NEMP2: variants seen among roughly 807,000 people sequenced by gnomAD.
NEMP2 encodes nuclear envelope integral membrane protein 2.
NEMP2 carries 53 observed loss-of-function variants against 54.2 expected under a neutral mutation model. That is an observed-to-expected ratio of 0.98 (90% CI 0.78 to 1.23). The LOEUF (loss-of-function observed/expected upper bound fraction) is 1.23, where lower values mean the gene tolerates loss of function less well. Among genes scored for constraint, NEMP2 ranks in the 50% most tolerant of loss-of-function variants. The pLI, the probability that NEMP2 is intolerant of heterozygous loss-of-function variation, is 0.00. For synonymous variants in NEMP2, 197 were observed against 190.3 expected (o/e 1.04, Z -0.29); for missense variants, 455 against 511.3 (o/e 0.89, Z 1.06).
chr2:190,606,942 G>A, the NEMP2 span, among the ~76,000 whole-genome samples: 1 of 152,118 alleles, frequency 6.6e-6, no homozygotes, highest in African/African-American at 2.4e-5. Context: ...CTTCCTTGGT[G>A]CCTGGCTTCC....
the NEMP2 span, among the ~76,000 whole-genome samples, chr2:190,431,006 ACGC>A: frequency 7.3e-6 from 1 of 136,694 alleles, no homozygotes; most frequent in Non-Finnish European, 1.5e-5. The surrounding 1 kb of genome is among the most constrained non-coding windows in gnomAD (Gnocchi z 4.4). Context: ...CTGGGCAGAG[ACGC>A]TCCTCACCTC....
chr2:190,582,938 A>C, the NEMP2 span, among the ~76,000 whole-genome samples: 13 of 152,320 alleles, frequency 8.5e-5, 2 homozygotes, highest in African/African-American at 2.9e-4. This position sits in a 1 kb window ranked among gnomAD's most constrained non-coding sequence, Gnocchi z 4.6. Flanking sequence ...ACTAACAGCC[A>C]AGTCACTACG....
chr2:190,497,911 A>G, the NEMP2 span: 1 of 595,684 alleles, frequency 1.7e-6, no homozygotes, highest in Non-Finnish European at 2.8e-6. The surrounding 1 kb of genome is among the most constrained non-coding windows in gnomAD (Gnocchi z 5.2). Context: ...CATAGAGAGA[A>G]TATTCTGCCT....
At chr2:190,596,380 C>T in the NEMP2 span, among the ~76,000 whole-genome samples, 127 of 152,204 alleles carry the variant, frequency 8.3e-4, no homozygotes, top group African/African-American at 2.9e-3. The surrounding 1 kb of genome is among the most constrained non-coding windows in gnomAD (Gnocchi z 5.1). Context: ...CACATGCATC[C>T]CAGAACTTAA....
In NEMP2 at chr2:190,534,573, G is replaced by A; in HGVS notation, c.83C>T (p.Ala28Val). The change falls in exon 1 of 9, where the codon GCG becomes GTG. Residue 28 changes from alanine (A) to valine (V), a missense_variant. Ala to Val is a moderately conservative substitution (Grantham distance 64). Around this residue, in one of 3 missense-constraint regions of NEMP2, gnomAD observed 100 missense variants for 80.2 expected, o/e 1.25. Transcript: ENST00000409150. ...ATLPVRGEAA[A>V]AALSVRRCKA... ...TCCCGGGTTACCTGATAACGCTGCC[G>A]CCGCCGCCTCCCCGCGCACGGGCAG... The A allele has an allele frequency of 7.1e-7, 1 of 1,401,884 alleles. No homozygotes were observed. The highest frequency in any genetic ancestry group is 3.2e-5 in the Admixed American group (1 of 31,234). The allele number at this position is 1,401,884 out of a possible 1,614,324, so 86.8% of individuals were successfully genotyped here.
rs1337729588 is a variant in NEMP2, at chr2:190,510,025, A to G, written c.1130+336T>C. On this transcript the variant is annotated intron_variant, in intron 8 of 8. Transcript: ENST00000409150. This position sits in a 1 kb window ranked among gnomAD's most constrained non-coding sequence, Gnocchi z 5.7. ...CATTGCACTCCAGCCTGGGTGACAG[A>G]GCAAGACTCCATCTAAAACAAAACA... Among the ~76,000 whole-genome samples, 1 of 152,248 alleles carries G rather than the reference A, an allele frequency of 6.6e-6. No individual in the cohort carries two copies. Among genetic ancestry groups the G allele is most frequent in the Non-Finnish European group, 1.5e-5 (1 of 68,046 alleles).
rs1395592623 is a variant in NEMP2, at chr2:190,507,240, C to T, written c.*1949G>A. ...TGGAAAACAATATCCTCAAGGACTG[C>T]TGTTGTTCTTCTCTCTTTGGCTGTT... On this transcript the variant is annotated 3_prime_UTR_variant, in exon 9 of 9. Transcript: ENST00000409150. The surrounding 1 kb of genome is among the most constrained non-coding windows in gnomAD (Gnocchi z 4.4). 6.6e-6 allele frequency: 1 copy of T among 152,158 alleles called. No homozygotes were observed. The highest frequency in any genetic ancestry group is 1.5e-5 in the Non-Finnish European group (1 of 68,044). The allele number at this position is 152,158 out of a possible 1,614,324, so 9.4% of individuals were successfully genotyped here.
chr2:190,553,060 T>G, the NEMP2 span, among the ~76,000 whole-genome samples: 9 of 152,246 alleles, frequency 5.9e-5, no homozygotes, highest in South Asian at 6.2e-4. Context: ...TTTTTTTTTT[T>G]TGTGAGGGGT....
chr2:190,430,895 C>T, the NEMP2 span, among the ~76,000 whole-genome samples: 2 of 151,458 alleles, frequency 1.3e-5, no homozygotes, highest in Non-Finnish European at 2.9e-5. Context: ...GGAGACGCTC[C>T]TCACTTCCCA....
chr2:190,560,346 A>G, the NEMP2 span, among the ~76,000 whole-genome samples: 1 of 152,112 alleles, frequency 6.6e-6, no homozygotes. This position sits in a 1 kb window ranked among gnomAD's most constrained non-coding sequence, Gnocchi z 5.4. Flanking sequence ...TCTTTATTCA[A>G]CTGCCTATAT....
the NEMP2 span, among the ~76,000 whole-genome samples, chr2:190,478,135 A>C: frequency 1.3e-5 from 2 of 152,186 alleles, no homozygotes; most frequent in Non-Finnish European, 2.9e-5. Context: ...CCATGTTCTG[A>C]ATCTAAACAG....
the NEMP2 span, among the ~76,000 whole-genome samples, chr2:190,564,289 CA>C: frequency 1.3e-5 from 2 of 152,104 alleles, no homozygotes; most frequent in Admixed American, 6.5e-5. This position sits in a 1 kb window ranked among gnomAD's most constrained non-coding sequence, Gnocchi z 4.2. Context: ...CTCCAGGAAC[CA>C]TTTGTCCTTC....
At position 190,516,307 on chromosome 2, in the gene NEMP2, C is replaced by T. The variant is rs1486194375; in HGVS notation, c.690G>A (p.Leu230=). 1 of 1,551,392 alleles carries T rather than the reference C, an allele frequency of 6.4e-7. No homozygotes were observed. Among genetic ancestry groups the T allele is most frequent in the Admixed American group, 2.0e-5 (1 of 50,922 alleles). The part of the protein sequence containing the change: ...VYIVCQLMED[L]KWLWYENRIY... ...TCCTGTTTTCATACCACAGCCACTT[C>T]AGATCTTCCATCAACTGGCATACAA... Residue 230 remains leucine, a synonymous_variant, in exon 6 of 9, where the codon CTG becomes CTA. Transcript: ENST00000409150.
At chr2:190,554,297 G>C in the NEMP2 span, among the ~76,000 whole-genome samples, 1 of 152,122 alleles carries the variant, frequency 6.6e-6, no homozygotes, top group Non-Finnish European at 1.5e-5. The surrounding 1 kb of genome is among the most constrained non-coding windows in gnomAD (Gnocchi z 5.7). Context: ...GGAACACCAG[G>C]GAGACAGAAC....
the NEMP2 span, among the ~76,000 whole-genome samples, chr2:190,448,838 G>T: frequency 6.6e-6 from 1 of 152,132 alleles, no homozygotes; most frequent in African/African-American, 2.4e-5. Context: ...GTGCTAGACA[G>T]TCTCTACCTT....
At chr2:190,574,944 T>C in the NEMP2 span, among the ~76,000 whole-genome samples, 1 of 151,866 alleles carries the variant, frequency 6.6e-6, no homozygotes, top group Non-Finnish European at 1.5e-5. Context: ...GATCTCCACC[T>C]CCTGGGTTCA....
the NEMP2 span, among the ~76,000 whole-genome samples, chr2:190,474,591 A>G: frequency 6.6e-6 from 1 of 152,200 alleles, no homozygotes; most frequent in African/African-American, 2.4e-5. Context: ...ACCAACCAAA[A>G]AAAGTCCAGG....
the NEMP2 span, chr2:190,445,016 AGCCTGAAGTCTTGCACCCTTCAGAGTAG>A: frequency 1.1e-4 from 24 of 228,290 alleles, no homozygotes; most frequent in African/African-American, 5.3e-4. Flanking sequence ...TGAGGATACA[AGCCTGAAGTCTTGCACCCTTCAGAGTAG>A]GCCTTGGTGT....
At chr2:190,437,173 G>T in the NEMP2 span, 2 of 1,614,086 alleles carry the variant, frequency 1.2e-6, no homozygotes, top group African/African-American at 1.3e-5. The surrounding 1 kb of genome is among the most constrained non-coding windows in gnomAD (Gnocchi z 5.9). Flanking sequence ...CATGACCATG[G>T]CCTTGATCGT....
Sources: allele counts gnomAD v4.1 joint callset (sites outside exome capture counted in the v4.1 genomes callset), GRCh38; gene constraint gnomAD v4.1.1; regional missense constraint gnomAD v4.1.1; non-coding constraint Gnocchi (gnomAD v3.1); transcripts MANE v1.5; gene names NCBI Gene and HGNC (gene_info 2026-07-23, HGNC 2026-07-21).